HS6ST3: variants seen among roughly 807,000 people sequenced by gnomAD.
HS6ST3 encodes the protein heparan-sulfate 6-O-sulfotransferase 3.
A neutral mutation model predicts 36.7 loss-of-function variants in HS6ST3; 12 were observed. The ratio of observed to expected loss-of-function variants is 0.33; its 90% CI spans 0.21 to 0.53. The LOEUF (loss-of-function observed/expected upper bound fraction) is 0.53. Ranked by LOEUF, HS6ST3 falls within the 20% of genes least tolerant of loss-of-function variation. The probability of loss-of-function intolerance (pLI) is 0.95; values close to 1 mark genes in which losing one functional copy is unlikely to be tolerated. For synonymous variants in HS6ST3, 240 were observed against 257.5 expected (o/e 0.93, Z 0.65); for missense variants, 584 against 640.9 (o/e 0.91, Z 0.96).
chr13:96,570,465 G>T (rs2056297076), intron 1 of HS6ST3, among the ~76,000 whole-genome samples: 1 of 152,184 alleles, frequency 6.6e-6, no homozygotes, highest in Non-Finnish European at 1.5e-5. Context: ...CACATTAAAA[G>T]GATAAACAAA....
chr13:96,500,607 C>T (rs911952018), intron 1 of HS6ST3, among the ~76,000 whole-genome samples: 4 of 152,060 alleles, frequency 2.6e-5, no homozygotes, highest in Non-Finnish European at 4.4e-5. Context: ...CTACTAGAAG[C>T]CCTAGGACAT....
intron 1 of HS6ST3, among the ~76,000 whole-genome samples, chr13:96,138,363 TATATAAC>T (rs1158115108): frequency 6.6e-6 from 1 of 150,466 alleles, no homozygotes; most frequent in Non-Finnish European, 1.5e-5. Context: ...GTATGGTTGA[TATATAAC>T]ATATATAAAT....
chr13:96,649,752 C>T (rs187115872), intron 1 of HS6ST3, among the ~76,000 whole-genome samples: 1 of 152,104 alleles, frequency 6.6e-6, no homozygotes, highest in African/African-American at 2.4e-5. Flanking sequence ...CCTCAATGTA[C>T]ACTCAAAGTA....
At chr13:96,805,158 C>T (rs1878167049) in intron 1 of HS6ST3, among the ~76,000 whole-genome samples, 1 of 152,120 alleles carries the variant, frequency 6.6e-6, no homozygotes. Context: ...TGGTTTGGCT[C>T]TATGTCCCCA....
At chr13:96,680,983 A>G (rs1462659602) in intron 1 of HS6ST3, among the ~76,000 whole-genome samples, 1 of 152,144 alleles carries the variant, frequency 6.6e-6, no homozygotes, top group Admixed American at 6.5e-5. Context: ...CTTCAGTTTT[A>G]AAATCTGTAA....
intron 1 of HS6ST3, among the ~76,000 whole-genome samples, chr13:96,326,626 C>T (rs753992482): frequency 2.6e-5 from 4 of 152,050 alleles, no homozygotes; most frequent in South Asian, 2.1e-4. Context: ...TGAATAGTGC[C>T]TCAATAAACA....
At chr13:96,457,381 C>G (rs1335128602) in intron 1 of HS6ST3, among the ~76,000 whole-genome samples, 1 of 152,028 alleles carries the variant, frequency 6.6e-6, no homozygotes, top group Non-Finnish European at 1.5e-5. Flanking sequence ...CTTCTAGCTT[C>G]TCAGGTGGGA....
At chr13:96,534,732 G>T (rs2056148551) in intron 1 of HS6ST3, among the ~76,000 whole-genome samples, 1 of 152,212 alleles carries the variant, frequency 6.6e-6, no homozygotes, top group Non-Finnish European at 1.5e-5. Flanking sequence ...GCTGAGGCAG[G>T]TGGATCACCT....
chr13:96,542,670 A>T (rs2056182844), intron 1 of HS6ST3, among the ~76,000 whole-genome samples: 1 of 152,150 alleles, frequency 6.6e-6, no homozygotes, highest in South Asian at 2.1e-4. Flanking sequence ...TGTGGGAGTG[A>T]CTGCATTCAC....
chr13:96,280,048 C>T (rs1040150153), intron 1 of HS6ST3, among the ~76,000 whole-genome samples: 1 of 152,140 alleles, frequency 6.6e-6, no homozygotes, highest in African/African-American at 2.4e-5. Context: ...TTTGTCAGCC[C>T]TTTGCCTTGG....
chr13:96,831,169 A>G (rs1386215813), intron 1 of HS6ST3, among the ~76,000 whole-genome samples: 5 of 152,148 alleles, frequency 3.3e-5, no homozygotes, highest in African/African-American at 1.2e-4. Flanking sequence ...CTGCCTCTTA[A>G]CACTCCCCTT....
At position 96,834,980 on chromosome 13, in the gene HS6ST3, A is replaced by G. The variant is rs1293265643; in HGVS notation, c.*1782A>G. On this transcript the variant is annotated 3_prime_UTR_variant, in exon 2 of 2. Coordinates refer to ENST00000376705, the MANE Select transcript of HS6ST3 (RefSeq NM_153456.4). ...GAGGCCCTTTTCATACCTTAAATAT[A>G]TTCTGCACAACAAATGGGTATTGTT... 1.3e-5 allele frequency: 2 copies of G among 152,346 alleles called. No homozygotes were observed. Among genetic ancestry groups the G allele is most frequent in the Non-Finnish European group, 1.5e-5 (1 of 68,030 alleles). 9.4% of individuals were successfully genotyped at this position (152,346 alleles called of 1,614,324 possible). A position where few individuals can be genotyped will look rare whatever the true frequency, so the allele number is the denominator to read the frequency against.
intron 1 of HS6ST3, among the ~76,000 whole-genome samples, chr13:96,186,375 G>T (rs1264124174): frequency 6.6e-6 from 1 of 152,186 alleles, no homozygotes; most frequent in East Asian, 1.9e-4. Context: ...TTCTGGAAGA[G>T]ACTGCATATG....
intron 1 of HS6ST3, among the ~76,000 whole-genome samples, chr13:96,167,683 A>G (rs983174584): frequency 7.2e-5 from 11 of 152,230 alleles, no homozygotes; most frequent in African/African-American, 2.4e-4. Context: ...TGCCGCATTA[A>G]TCATGCTGAA....
At chr13:96,109,856 C>T (rs1405899269) in intron 1 of HS6ST3, among the ~76,000 whole-genome samples, 1 of 152,074 alleles carries the variant, frequency 6.6e-6, no homozygotes, top group African/African-American at 2.4e-5. Context: ...ATGATGTGAG[C>T]AGGTTGGAAG....
At chr13:96,477,389 TG>T (rs34328324) in intron 1 of HS6ST3, among the ~76,000 whole-genome samples, 8,059 of 152,294 alleles carry the variant, frequency 0.053, 248 homozygotes, top group Middle Eastern at 0.092. Flanking sequence ...TAGGTGACAA[TG>T]GCTATGCTTT....
intron 1 of HS6ST3, among the ~76,000 whole-genome samples, chr13:96,610,347 C>T (rs2056453246): frequency 6.6e-6 from 1 of 152,066 alleles, no homozygotes; most frequent in African/African-American, 2.4e-5. Context: ...ATTATTTATT[C>T]ATTTTTAAGC....
intron 1 of HS6ST3, among the ~76,000 whole-genome samples, chr13:96,706,440 T>TATATATATATATATAA (rs1491180585): frequency 1.7e-4 from 23 of 137,576 alleles, no homozygotes; most frequent in African/African-American, 5.1e-4. Flanking sequence ...TATATATATA[T>TATATATATATATATAA]AATCAGGGAA....
At chr13:96,659,898 G>A (rs1266590022) in intron 1 of HS6ST3, among the ~76,000 whole-genome samples, 1 of 151,926 alleles carries the variant, frequency 6.6e-6, no homozygotes, top group Non-Finnish European at 1.5e-5. Context: ...GATGTGTTTT[G>A]TAACTTTTTA....
Sources: gnomAD v4.1 joint callset for allele counts (sites outside exome capture counted in the v4.1 genomes callset) on GRCh38, gnomAD v4.1.1 for gene constraint, MANE v1.5 for transcripts, NCBI Gene and HGNC (gene_info 2026-07-23, HGNC 2026-07-21) for gene names.